The following CDKN2B-AS1 variants were observed in gnomAD, a reference collection of about 807,000 sequenced individuals.
CDKN2B-AS1 encodes CDKN2B antisense RNA 1 (non-protein coding).
intron 4 of CDKN2B-AS1, among the ~76,000 whole-genome samples, chr9:22,097,025 G>A (rs1043639967): frequency 6.6e-6 from 1 of 152,108 alleles, no homozygotes; most frequent in African/African-American, 2.4e-5. Flanking sequence ...CCACTTCTCT[G>A]GGCTTATGTG....
At chr9:22,098,423 T>A (rs1825365686) in intron 4 of CDKN2B-AS1, among the ~76,000 whole-genome samples, 1 of 151,864 alleles carries the variant, frequency 6.6e-6, no homozygotes, top group Non-Finnish European at 1.5e-5. Flanking sequence ...GCAAGAATTT[T>A]TTTTTTTTTT....
intron 1 of CDKN2B-AS1, among the ~76,000 whole-genome samples, chr9:22,045,981 G>A (rs1236728588): frequency 1.3e-5 from 2 of 151,964 alleles, no homozygotes; most frequent in African/African-American, 2.4e-5. Context: ...ACATTAAATA[G>A]GCAGAAATTT....
chr9:22,009,382 C>G (rs1821380847), intron 1 of CDKN2B-AS1: 1 of 321,282 alleles, frequency 3.1e-6, no homozygotes, highest in South Asian at 4.6e-5. Context: ...TAGGCTCCGC[C>G]CCCTGTCCGC....
intron 4 of CDKN2B-AS1, among the ~76,000 whole-genome samples, chr9:22,088,753 A>G (rs1281195724): frequency 6.6e-6 from 1 of 152,226 alleles, no homozygotes; most frequent in Non-Finnish European, 1.5e-5. Context: ...ATCAGGCTCT[A>G]TAAAAGAAAA....
chr9:22,010,619 T>C (rs1821450512), intron 1 of CDKN2B-AS1, among the ~76,000 whole-genome samples: 1 of 152,166 alleles, frequency 6.6e-6, no homozygotes, highest in Non-Finnish European at 1.5e-5. Flanking sequence ...ACCATGGAAG[T>C]GCTGGTTAGG....
At chr9:22,077,550 G>T (rs903813395) in intron 4 of CDKN2B-AS1, 2 of 152,064 alleles carry the variant, frequency 1.3e-5, no homozygotes, top group African/African-American at 2.4e-5. Context: ...TCAGCTCTTT[G>T]GTTCCATTAG....
At chr9:22,003,285 A>G in intron 1 of CDKN2B-AS1, 1 of 206,144 alleles carries the variant, frequency 4.9e-6, no homozygotes, top group Non-Finnish European at 9.7e-6. Context: ...AATAAAAAAA[A>G]CTAACAAAAC....
chr9:22,019,254 C>A (rs560541869), intron 1 of CDKN2B-AS1, among the ~76,000 whole-genome samples: 34 of 152,124 alleles, frequency 2.2e-4, no homozygotes, highest in Non-Finnish European at 4.4e-4. Context: ...ATGATGTGAT[C>A]AGATTTTCAG....
intron 1 of CDKN2B-AS1, chr9:22,031,147 T>A (rs548841593): frequency 2.0e-5 from 3 of 152,310 alleles, no homozygotes; most frequent in African/African-American, 7.2e-5. Context: ...CTTAACATTT[T>A]TCTTCAAATT....
rs1821168476 is a variant in CDKN2B-AS1 at position 22,006,097 on chromosome 9, C to CG, written n.29+10938dup. ...GCATCGCGCACGTCCAGCCGCGCCCCGGCCCGGTGCAGCACCACCAGCGTG... is the reference window on the plus strand; with the variant it reads ...GCATCGCGCACGTCCAGCCGCGCCCCGGGCCCGGTGCAGCACCACCAGCGTG... On this transcript the variant is annotated intron_variant and non_coding_transcript_variant, in intron 1 of 4. Coordinates refer to ENST00000650946, the Ensembl canonical transcript of CDKN2B-AS1. This position sits in a 1 kb window ranked among gnomAD's most constrained non-coding sequence, Gnocchi z 6.4. 2 of 1,609,008 alleles carry CG rather than the reference C, an allele frequency of 1.2e-6. No homozygotes were observed. Among genetic ancestry groups the CG allele is most frequent in the African/African-American group, 1.3e-5 (1 of 75,070 alleles).
intron 4 of CDKN2B-AS1, among the ~76,000 whole-genome samples, chr9:22,089,915 G>A (rs1164351428): frequency 2.0e-5 from 3 of 151,922 alleles, no homozygotes; most frequent in Non-Finnish European, 4.4e-5. Context: ...CCATGTTGGT[G>A]TGCTGCACCC....
intron 1 of CDKN2B-AS1, among the ~76,000 whole-genome samples, chr9:22,028,173 C>T (rs1434124753): frequency 1.3e-5 from 2 of 151,920 alleles, no homozygotes; most frequent in Non-Finnish European, 2.9e-5. Flanking sequence ...TCCTCAGCTC[C>T]TCCCATCTGA....
In CDKN2B-AS1 at chr9:22,006,566, T is replaced by C. The variant is rs1480772850; in HGVS notation, n.29+11405T>C. Reference sequence around the variant, plus strand: ...CTTGATTTCCATTGGAACATGGGAATCTATTTTGTTAAATGATTTAGGGGC... The same window carrying C: ...CTTGATTTCCATTGGAACATGGGAACCTATTTTGTTAAATGATTTAGGGGC... On this transcript the variant is annotated intron_variant and non_coding_transcript_variant, in intron 1 of 4. Transcript: ENST00000650946. The surrounding 1 kb of genome is among the most constrained non-coding windows in gnomAD (Gnocchi z 6.4). 6.6e-6 allele frequency among the ~76,000 whole-genome samples: 1 copy of C among 152,214 alleles called. No homozygotes were observed. The highest frequency in any genetic ancestry group is 6.5e-5 in the Admixed American group (1 of 15,284).
chr9:22,026,348 GA>G lies in CDKN2B-AS1; in HGVS notation n.30-20402del, dbSNP rs1192713534. On this transcript the variant is annotated intron_variant and non_coding_transcript_variant, in intron 1 of 4. Transcript: ENST00000650946. ...AGGTCCCGCCTGTAAGGATGAATGG[GA>G]TCGGGGACCAACTTAAAGCAGCAGT... 2.6e-5 allele frequency among the ~76,000 whole-genome samples: 4 copies of G among 152,284 alleles called. No individual in the cohort carries two copies. The East Asian group carries it at 5.8e-4, about 22-fold the overall frequency.
At position 21,995,974 on chromosome 9, in the gene CDKN2B-AS1, A is replaced by G. The variant is rs560178567; in HGVS notation, n.29+813A>G. On this transcript the variant is annotated intron_variant and non_coding_transcript_variant, in intron 1 of 4. Transcript: ENST00000650946. The surrounding 1 kb of genome is among the most constrained non-coding windows in gnomAD (Gnocchi z 5.7). ...TAGGCCCAGCTCCGGGAACCTGGAA[A>G]TGTGGCCCGCTTCTCAGTGGCTTCC... 6.5e-6 allele frequency: 1 copy of G among 152,822 alleles called. No individual in the cohort carries two copies. The highest frequency in any genetic ancestry group is 2.1e-4 in the South Asian group (1 of 4,822). The allele number at this position is 152,822 out of a possible 1,614,324, so 9.5% of individuals were successfully genotyped here.
intron 1 of CDKN2B-AS1, among the ~76,000 whole-genome samples, chr9:22,014,873 T>C (rs7027610): frequency 0.029 from 4,439 of 151,272 alleles, 230 homozygotes; most frequent in African/African-American, 0.1. Flanking sequence ...TGGTTTTTTG[T>C]CCTTGTGATA....
At chr9:22,034,852 C>T (rs1323224237) in intron 1 of CDKN2B-AS1, among the ~76,000 whole-genome samples, 1 of 152,110 alleles carries the variant, frequency 6.6e-6, no homozygotes, top group African/African-American at 2.4e-5. Flanking sequence ...AATTAGGCAG[C>T]AAGACTGATT....
At chr9:22,029,659 A>G (rs372383172) in intron 1 of CDKN2B-AS1, 1 of 514,164 alleles carries the variant, frequency 1.9e-6, no homozygotes, top group African/African-American at 1.9e-5. Flanking sequence ...CCTTGGGGAA[A>G]TGTTCTCTTC....
intron 4 of CDKN2B-AS1, among the ~76,000 whole-genome samples, chr9:22,101,073 A>G (rs1238125312): frequency 6.6e-6 from 1 of 152,228 alleles, no homozygotes; most frequent in Admixed American, 6.5e-5. Context: ...ATGATCCACC[A>G]GTAAAGAGAT....
Sources: allele counts gnomAD v4.1 joint callset (sites outside exome capture counted in the v4.1 genomes callset), GRCh38; gene constraint gnomAD v4.1.1; non-coding constraint Gnocchi (gnomAD v3.1); transcripts MANE v1.5; gene names NCBI Gene and HGNC (gene_info 2026-07-23, HGNC 2026-07-21).